CCDC92: variants seen among roughly 807,000 people sequenced by gnomAD.
CCDC92 encodes coiled-coil domain-containing protein 92.
Under a neutral mutation model 24.9 loss-of-function variants are expected in CCDC92, and 12 were observed. The observed-to-expected ratio is 0.48, with a 90% confidence interval of 0.31 to 0.78. The LOEUF is 0.78. CCDC92 is among the 30% of genes least tolerant of loss of function. The pLI is 0.05. For missense variants in CCDC92, 399 were observed against 439.4 expected (o/e 0.91, Z 0.82); for synonymous variants, 193 against 196.3 (o/e 0.98, Z 0.14).
At chr12:123,938,294 T>C (rs963001938) in intron 4 of CCDC92, among the ~76,000 whole-genome samples, 2 of 152,138 alleles carry the variant, frequency 1.3e-5, no homozygotes, top group Non-Finnish European at 2.9e-5. Flanking sequence ...TGTGGGGCTG[T>C]CACCTTTGCT....
intron 1 of CCDC92, among the ~76,000 whole-genome samples, chr12:123,957,426 T>C (rs1234912594): frequency 1.3e-5 from 2 of 152,224 alleles, no homozygotes; most frequent in African/African-American, 4.8e-5. Flanking sequence ...AAGCAGCTGC[T>C]ATGTGCACGC....
At chr12:123,959,188 C>T (rs529592439) in intron 1 of CCDC92, among the ~76,000 whole-genome samples, 2 of 152,316 alleles carry the variant, frequency 1.3e-5, no homozygotes, top group African/African-American at 2.4e-5. Flanking sequence ...GTATCTACAC[C>T]TCATTAGGAT....
intron 1 of CCDC92, among the ~76,000 whole-genome samples, chr12:123,964,807 C>G (rs1956353381): frequency 6.6e-6 from 1 of 152,196 alleles, no homozygotes. Context: ...CCAAGAGTCA[C>G]TCTACTTCCA....
At position 123,937,528 on chromosome 12, in the gene CCDC92, A is replaced by G; in HGVS notation, c.526T>C (p.Ser176Pro). The G allele has an allele frequency of 6.2e-7, 1 of 1,612,194 alleles. No individual in the cohort carries two copies. The highest frequency in any genetic ancestry group is 2.2e-5 in the East Asian group (1 of 44,846). The change falls in exon 5 of 5, where the codon TCA (serine) becomes CCA (proline). Residue 176 changes from serine (S) to proline (P), a missense_variant. By Grantham distance (74) the Ser-to-Pro change is moderately conservative. Transcript: ENST00000238156. This position sits in a 1 kb window ranked among gnomAD's most constrained non-coding sequence, Gnocchi z 8.4. ...GGGCTCCCTGACGGGCTGGCATCTG[A>G]GGTCCCGCTGGAGCTCATGAGCTTC... ...KKKLMSSSGTSDASPSGSPVL... is the reference protein window; with the variant it reads ...KKKLMSSSGTPDASPSGSPVL...
At chr12:123,968,022 A>G (rs1344976169) in intron 1 of CCDC92, 1 of 152,244 alleles carries the variant, frequency 6.6e-6, no homozygotes, top group Non-Finnish European at 1.5e-5. Flanking sequence ...GAAGCAGAGT[A>G]TTATGTGCCT....
chr12:123,942,832 A>C (rs1955728825), intron 3 of CCDC92, 47 bp from the exon 4 acceptor site: 2 of 1,475,226 alleles, frequency 1.4e-6, no homozygotes, highest in African/African-American at 2.8e-5. Context: ...TACATTTCAA[A>C]ATCTTCATCA....
chr12:123,969,461 G>GGTTT (rs1956471290), intron 1 of CCDC92, among the ~76,000 whole-genome samples: 2 of 93,048 alleles, frequency 2.1e-5, no homozygotes, highest in Admixed American at 1.2e-4. Context: ...CTCTTATTCA[G>GGTTT]TTTTTTTTTT....
intron 1 of CCDC92, among the ~76,000 whole-genome samples, chr12:123,953,693 G>T (rs143143799): frequency 0.012 from 1,904 of 152,334 alleles, 30 homozygotes; most frequent in African/African-American, 0.042. Flanking sequence ...CAGGAGACTT[G>T]CTTGAACCTG....
At chr12:123,957,442 G>A (rs772990169) in intron 1 of CCDC92, among the ~76,000 whole-genome samples, 2 of 152,158 alleles carry the variant, frequency 1.3e-5, no homozygotes, top group East Asian at 1.9e-4. Context: ...CACGCCCCAC[G>A]ATGCCTTTCA....
rs1168110666 is a variant in CCDC92, at chr12:123,943,348, T to G, written c.180A>C (p.Thr60=). Residue 60 remains threonine, a splice_region_variant and synonymous_variant, in exon 3 of 5, where the codon ACA becomes ACC. Coordinates refer to ENST00000238156, the MANE Select transcript of CCDC92 (RefSeq NM_025140.3). ...GCCCGGGCCTGCTCCCCGATGTACCTGTGCAGTGCTGCTGCAGCCGCCTGA... is the reference window on the plus strand; with the variant it reads ...GCCCGGGCCTGCTCCCCGATGTACCGGTGCAGTGCTGCTGCAGCCGCCTGA... ...SEIRRLQQHC[T]DLTYELTVKS... is the part of the protein sequence containing the mutation. The G allele has an allele frequency of 6.2e-7, 1 of 1,612,734 alleles. No homozygotes were observed. The highest frequency in any genetic ancestry group is 1.1e-5 in the South Asian group (1 of 91,080).
At chr12:123,958,025 GC>G (rs1488832879) in intron 1 of CCDC92, among the ~76,000 whole-genome samples, 1 of 151,584 alleles carries the variant, frequency 6.6e-6, no homozygotes, top group African/African-American at 2.4e-5. Context: ...AAACAATCAT[GC>G]AAGGTAGGTA....
At chr12:123,941,490 G>A (rs913957162) in intron 4 of CCDC92, among the ~76,000 whole-genome samples, 2 of 152,234 alleles carry the variant, frequency 1.3e-5, no homozygotes, top group South Asian at 2.1e-4. Flanking sequence ...GAAATGGTCT[G>A]TGTCTTTTAC....
At chr12:123,964,232 A>C (rs1005525439) in intron 1 of CCDC92, among the ~76,000 whole-genome samples, 2 of 152,232 alleles carry the variant, frequency 1.3e-5, no homozygotes, top group Non-Finnish European at 1.5e-5. Flanking sequence ...ACAGGTACAA[A>C]CTGAAAAGTT....
chr12:123,943,205 T>C (rs561982495), intron 3 of CCDC92, 142 bp downstream of exon 3: 15 of 804,626 alleles, frequency 1.9e-5, no homozygotes, highest in Admixed American at 1.4e-4. Context: ...GATTATGCAA[T>C]GAGGATGATA....
At chr12:123,965,482 G>A (rs1956371095) in intron 1 of CCDC92, among the ~76,000 whole-genome samples, 4 of 152,212 alleles carry the variant, frequency 2.6e-5, no homozygotes, top group South Asian at 4.1e-4. Context: ...TGAAAACAGT[G>A]AGGGCTGCAC....
At chr12:123,965,128 A>G (rs971302540) in intron 1 of CCDC92, among the ~76,000 whole-genome samples, 3 of 152,234 alleles carry the variant, frequency 2.0e-5, no homozygotes, top group Admixed American at 6.5e-5. Context: ...TTGACGTATT[A>G]GGACACCTGA....
chr12:123,946,980 G>A (rs1007440135), intron 1 of CCDC92, among the ~76,000 whole-genome samples: 2 of 152,144 alleles, frequency 1.3e-5, no homozygotes, highest in Non-Finnish European at 2.9e-5. Flanking sequence ...TGCGTGCGGC[G>A]GCGCTTGCAG....
At chr12:123,941,835 A>G (rs1311448166) in intron 4 of CCDC92, among the ~76,000 whole-genome samples, 1 of 152,222 alleles carries the variant, frequency 6.6e-6, no homozygotes, top group East Asian at 1.9e-4. Context: ...AATCGGGTCA[A>G]GCTTAGAATG....
At chr12:123,949,180 A>G (rs1279745810) in intron 1 of CCDC92, among the ~76,000 whole-genome samples, 2 of 152,166 alleles carry the variant, frequency 1.3e-5, no homozygotes, top group African/African-American at 2.4e-5. Context: ...AAGGGCACTC[A>G]CCCCATCTTA....
Sources: gnomAD v4.1 joint callset for allele counts (sites outside exome capture counted in the v4.1 genomes callset) on GRCh38, gnomAD v4.1.1 for gene constraint, Gnocchi (gnomAD v3.1) non-coding constraint, MANE v1.5 for transcripts, NCBI Gene and HGNC (gene_info 2026-07-23, HGNC 2026-07-21) for gene names.